Variants in FOSL1 observed in about 807,000 individuals in gnomAD.
FOSL1 encodes FOS like 1, AP-1 transcription factor subunit.
In FOSL1, 14 loss-of-function variants were observed where a neutral mutation model predicts 24.9. The ratio of observed to expected loss-of-function variants is 0.56; its 90% CI spans 0.37 to 0.88. The LOEUF is 0.88. Among genes scored for constraint, FOSL1 ranks in the 40% least tolerant of loss-of-function variants. The probability of loss-of-function intolerance (pLI) is 0.00; values close to 1 mark genes in which losing one functional copy is unlikely to be tolerated. For missense variants in FOSL1, 318 were observed against 359.8 expected, an observed-to-expected ratio of 0.88 and a Z score of 0.94; for synonymous variants, 133 against 145.1, an observed-to-expected ratio of 0.92 and a Z score of 0.60.
intron 1 of FOSL1, 43 bp from the exon 2 acceptor site, chr11:65,897,049 G>A: frequency 1.4e-6 from 2 of 1,469,042 alleles, no homozygotes; most frequent in South Asian, 1.1e-5. Flanking sequence ...GGTCCGTGTG[G>A]ATTGAGGGGC....
At chr11:65,894,442 C>T (rs1860473959) in intron 2 of FOSL1, among the ~76,000 whole-genome samples, 1 of 152,170 alleles carries the variant, frequency 6.6e-6, no homozygotes, top group Admixed American at 6.5e-5. Context: ...ATTCCCCAGC[C>T]AGAAGTGACC....
At position 65,895,034 on chromosome 11, in the gene FOSL1, A is replaced by T. The variant is rs997859664; in HGVS notation, c.298-913T>A. On this transcript the variant is annotated intron_variant, in intron 2 of 3. Coordinates refer to ENST00000312562, the MANE Select transcript of FOSL1 (RefSeq NM_005438.5). ...AGGCTGGTCTGGAACTCATGGGCTCAAGGGATCCTCCTGCACTGGCCTCCT... is the reference window on the plus strand; with the variant it reads ...AGGCTGGTCTGGAACTCATGGGCTCTAGGGATCCTCCTGCACTGGCCTCCT... 1.6e-4 allele frequency among the ~76,000 whole-genome samples: 24 copies of T among 150,258 alleles called. No individual in the cohort carries two copies. In the Admixed American group the frequency reaches 1.6e-3, roughly 10 times the overall value.
At position 65,896,879 on chromosome 11, in the gene FOSL1, G is replaced by T. The variant is rs758410472; in HGVS notation, c.227C>A (p.Pro76Gln). The T allele has an allele frequency of 3.5e-5, 56 of 1,613,592 alleles. No homozygotes were observed. Among genetic ancestry groups the T allele is most frequent in the Admixed American group, 5.0e-5 (3 of 59,996 alleles). Reference protein sequence around the residue: ...RPLTYPQYSPPQPRPGVIRAL... With the variant: ...RPLTYPQYSPQQPRPGVIRAL... ...CCGGATGACTCCTGGCCGGGGTTGT[G>T]GGGGGCTGTACTGAGGGTAGGTCAG... Residue 76 changes from proline (P) to glutamine (Q), a missense_variant, in exon 2 of 4, where the codon CCA (proline) becomes CAA (glutamine). Transcript: ENST00000312562.
chr11:65,898,027 AT>A (rs146500766), intron 1 of FOSL1, among the ~76,000 whole-genome samples: 14,921 of 81,114 alleles, frequency 0.18, 2,615 homozygotes, highest in African/African-American at 0.45. Context: ...CATTTGGCTA[AT>A]TTTTTTTTTC....
rs1159845283 is a variant in FOSL1, at chr11:65,900,321, C to A, written c.19G>T (p.Glu7Ter). 1.6e-6 allele frequency: 2 copies of A among 1,243,444 alleles called. No individual in the cohort carries two copies. The highest frequency in any genetic ancestry group is 2.0e-6 in the Non-Finnish European group (2 of 993,722). 77.0% of individuals were successfully genotyped at this position (1,243,444 alleles called of 1,614,324 possible). The change falls in exon 1 of 4, where the codon GAA becomes TAA. Residue 7 changes from glutamate (E) to a stop codon, truncating the protein, a stop_gained. Transcript: ENST00000312562. LOFTEE classifies it high-confidence loss of function. MFRDFG[E>*]PGPSSGNGGG... Reference sequence around the variant, plus strand: ...CCGTTCCCGGAGCTCGGGCCGGGTTCCCCGAAGTCTCGGAACATGCCCGGG... The same window carrying A: ...CCGTTCCCGGAGCTCGGGCCGGGTTACCCGAAGTCTCGGAACATGCCCGGG...
chr11:65,892,770 G>A lies in FOSL1; in HGVS notation c.*116C>T. 1.0e-6 allele frequency: 1 copy of A among 988,452 alleles called. No homozygotes were observed. Among genetic ancestry groups the A allele is most frequent in the Non-Finnish European group, 1.5e-6 (1 of 649,886 alleles). 61.2% of individuals were successfully genotyped at this position (988,452 alleles called of 1,614,324 possible). On this transcript the variant is annotated 3_prime_UTR_variant, in exon 4 of 4. Coordinates refer to ENST00000312562, the MANE Select transcript of FOSL1 (RefSeq NM_005438.5). ...ATATGGTCAGTCTCATTAGAGGGAT[G>A]GAGAAGAAGTTGCTGGAGTTGGATG...
intron 1 of FOSL1, among the ~76,000 whole-genome samples, chr11:65,898,596 T>C (rs2134806030): frequency 6.6e-6 from 1 of 152,192 alleles, no homozygotes; most frequent in Non-Finnish European, 1.5e-5. Context: ...TTGTTACAGG[T>C]GAGGATTACA....
Position 65,900,353 on chromosome 11 carries a change from G to A in FOSL1, c.-14C>T. ...GTCTCGGAACATGCCCGGGGCTGGC[G>A]GCTCTGCGGGGTACACGGCTGCTGG... On this transcript the variant is annotated 5_prime_UTR_variant, in exon 1 of 4. Coordinates refer to ENST00000312562, the MANE Select transcript of FOSL1 (RefSeq NM_005438.5). 8.2e-7 allele frequency: 1 copy of A among 1,216,564 alleles called. No individual in the cohort carries two copies. Among genetic ancestry groups the A allele is most frequent in the Admixed American group, 4.2e-5 (1 of 23,648 alleles). 75.4% of individuals were successfully genotyped at this position (1,216,564 alleles called of 1,614,324 possible). A position where few individuals can be genotyped will look rare whatever the true frequency, so the allele number is the denominator to read the frequency against.
chr11:65,899,971 G>A (rs1860630400), intron 1 of FOSL1, among the ~76,000 whole-genome samples: 1 of 152,256 alleles, frequency 6.6e-6, no homozygotes, highest in Non-Finnish European at 1.5e-5. Context: ...AGGTGGGCAG[G>A]AGGAGAGAAA....
chr11:65,892,627 C>T lies in FOSL1; in HGVS notation c.*259G>A, dbSNP rs528798272. 3.0e-6 allele frequency: 2 copies of T among 664,008 alleles called. No individual in the cohort carries two copies. The highest frequency in any genetic ancestry group is 4.1e-5 in the Admixed American group (2 of 48,640). The allele number at this position is 664,008 out of a possible 1,614,324, so 41.1% of individuals were successfully genotyped here. A position where few individuals can be genotyped will look rare whatever the true frequency, so the allele number is the denominator to read the frequency against. ...AAGTCTCTGGGCTGCCAGGATTCCT[C>T]TGGCACAAATGGGAAATATTTTGTC... On this transcript the variant is annotated 3_prime_UTR_variant, in exon 4 of 4. Coordinates refer to ENST00000312562, the MANE Select transcript of FOSL1 (RefSeq NM_005438.5).
intron 1 of FOSL1, among the ~76,000 whole-genome samples, chr11:65,899,396 G>A (rs1167751702): frequency 6.6e-6 from 1 of 152,154 alleles, no homozygotes; most frequent in South Asian, 2.1e-4. Flanking sequence ...TGACTCAGCC[G>A]CCGTGACTCG....
intron 1 of FOSL1, among the ~76,000 whole-genome samples, chr11:65,899,507 G>GC (rs35032797): frequency 2.6e-5 from 4 of 152,228 alleles, no homozygotes; most frequent in Admixed American, 6.5e-5. Context: ...CCTCCCGGGT[G>GC]CCCCCCGGCG....
At chr11:65,894,737 A>C (rs974442694) in intron 2 of FOSL1, among the ~76,000 whole-genome samples, 4 of 151,908 alleles carry the variant, frequency 2.6e-5, no homozygotes, top group African/African-American at 9.7e-5. Flanking sequence ...GCTCACTGCA[A>C]CCTCCACCTA....
At chr11:65,900,125 C>T (rs887687994) in intron 1 of FOSL1, 116 bp downstream of exon 1, 2 of 481,990 alleles carry the variant, frequency 4.1e-6, no homozygotes, top group Non-Finnish European at 6.6e-6. Flanking sequence ...CTCGCCCCAG[C>T]CCCCAGCCCG....
chr11:65,897,050 A>G (rs1860546920), intron 1 of FOSL1, 44 bp from the exon 2 acceptor site: 1 of 1,466,694 alleles, frequency 6.8e-7, no homozygotes, highest in Non-Finnish European at 9.6e-7. Context: ...GTCCGTGTGG[A>G]TTGAGGGGCT....
Position 65,893,271 on chromosome 11 carries a change from T to C in FOSL1, c.431A>G (p.Lys144Arg). 6.2e-7 allele frequency: 1 copy of C among 1,611,368 alleles called. No homozygotes were observed. The highest frequency in any genetic ancestry group is 8.5e-7 in the Non-Finnish European group (1 of 1,178,584). Residue 144 changes from lysine to arginine, a missense_variant, in exon 4 of 4, where the codon AAA becomes AGA. Coordinates refer to ENST00000312562, the MANE Select transcript of FOSL1 (RefSeq NM_005438.5). ...QAETDKLEDE[K>R]SGLQREIEEL... Reference sequence around the variant, plus strand: ...CTCAATCTCTCGCTGCAGCCCAGATTTCTCATCTTCCAGTTTGTCAGTCTC... The same window carrying C: ...CTCAATCTCTCGCTGCAGCCCAGATCTCTCATCTTCCAGTTTGTCAGTCTC...
chr11:65,896,017 T>C (rs994814457), intron 2 of FOSL1, among the ~76,000 whole-genome samples: 1 of 152,130 alleles, frequency 6.6e-6, no homozygotes, highest in Non-Finnish European at 1.5e-5. Context: ...GTGATTAGTT[T>C]TGGGGGTTTT....
intron 1 of FOSL1, among the ~76,000 whole-genome samples, chr11:65,899,646 G>T (rs976218728): frequency 1.3e-5 from 2 of 152,246 alleles, no homozygotes; most frequent in African/African-American, 4.8e-5. Context: ...GCCGGTCTCC[G>T]GGGACCTGGC....
rs772440247 is a variant in FOSL1, at chr11:65,893,308, C to G, written c.406-12G>C. Reference sequence around the variant, plus strand: ...AGTTTGTCAGTCTCCTGTAGAAGATCAGGAGAGGAGTCAGAAAGGTGAGGG... The same window carrying G: ...AGTTTGTCAGTCTCCTGTAGAAGATGAGGAGAGGAGTCAGAAAGGTGAGGG... On this transcript the variant is annotated splice_polypyrimidine_tract_variant and intron_variant, in intron 3 of 3. Transcript: ENST00000312562. 1.0e-5 allele frequency: 16 copies of G among 1,592,148 alleles called. No homozygotes were observed. The highest frequency in any genetic ancestry group is 9.0e-5 in the South Asian group (8 of 88,406).
Sources: gnomAD v4.1 joint callset for allele counts (sites outside exome capture counted in the v4.1 genomes callset) on GRCh38, gnomAD v4.1.1 for gene constraint, MANE v1.5 for transcripts, NCBI Gene and HGNC (gene_info 2026-07-23, HGNC 2026-07-21) for gene names.